Variants in DLC1 observed in about 807,000 individuals in gnomAD.
DLC1 encodes the protein rho GTPase-activating protein 7.
A neutral mutation model predicts 140.3 loss-of-function variants in DLC1; 54 were observed. That is an observed-to-expected ratio of 0.38 (90% CI 0.31 to 0.48). The LOEUF (loss-of-function observed/expected upper bound fraction) is 0.48. Among genes scored for constraint, DLC1 ranks in the 20% least tolerant of loss-of-function variants. The pLI is 0.96. For synonymous variants in DLC1, 986 were observed against 728.1 expected (o/e 1.35, Z -5.70); for missense variants, 2,536 against 1,907.0 (o/e 1.33, Z -6.14).
At position 13,496,615 on chromosome 8, in the gene DLC1, T is replaced by A. The variant is rs1027490199; in HGVS notation, c.1023+2434A>T. ...ACACACATACCTACACACACACATTTTGACATTAAGATTTGGCTGTCTATA... is the reference window on the plus strand; with the variant it reads ...ACACACATACCTACACACACACATTATGACATTAAGATTTGGCTGTCTATA... On this transcript the variant is annotated intron_variant, in intron 2 of 17. Coordinates refer to ENST00000276297, the MANE Select transcript of DLC1 (RefSeq NM_182643.3). 1.4e-4 allele frequency among the ~76,000 whole-genome samples: 21 copies of A among 151,788 alleles called. 1 individual carries two copies. Among genetic ancestry groups the A allele is most frequent in the Non-Finnish European group, 4.4e-5 (3 of 67,942 alleles).
chr8:13,156,724 C>G (rs947148008), intron 5 of DLC1, among the ~76,000 whole-genome samples: 2 of 152,094 alleles, frequency 1.3e-5, no homozygotes, highest in Non-Finnish European at 2.9e-5. Flanking sequence ...GTTCGCAACT[C>G]AAAAAGTCAG....
intron 2 of DLC1, among the ~76,000 whole-genome samples, chr8:13,438,437 T>G (rs1839219499): frequency 1.3e-5 from 2 of 152,152 alleles, no homozygotes; most frequent in Non-Finnish European, 2.9e-5. Flanking sequence ...TTGAAAAAAA[T>G]AGCCAGAATG....
chr8:13,228,908 G>T (rs77495681), intron 5 of DLC1, among the ~76,000 whole-genome samples: 1 of 152,126 alleles, frequency 6.6e-6, no homozygotes, highest in Non-Finnish European at 1.5e-5. Context: ...CACCTACCAG[G>T]GTGGCTACAA....
At chr8:13,597,469 C>T (rs991519465) in intron 1 of DLC1, among the ~76,000 whole-genome samples, 3 of 152,002 alleles carry the variant, frequency 2.0e-5, no homozygotes, top group African/African-American at 4.8e-5. Flanking sequence ...AATACCATCT[C>T]GTTTCCTGAG....
In DLC1 at chr8:13,499,355, G is replaced by C. The variant is rs754588738; in HGVS notation, c.717C>G (p.Asp239Glu). 1.2e-5 allele frequency: 20 copies of C among 1,613,956 alleles called. No homozygotes were observed. In the South Asian group the frequency reaches 2.2e-4, roughly 18 times the overall value. ...AVIAQQRRKP[D>E]PPKDENERST... is the part of the protein sequence containing the mutation. ...TTCTTTCATTTTCATCTTTAGGGGG[G>C]TCAGGTTTCCTTCGTTGCTGAGCAA... The change falls in exon 2 of 18, where the codon GAC (aspartate) becomes GAG (glutamate). Residue 239 changes from aspartate to glutamate, a missense_variant. Transcript: ENST00000276297.
At chr8:13,145,517 C>G (rs1054356495) in intron 5 of DLC1, among the ~76,000 whole-genome samples, 4 of 152,130 alleles carry the variant, frequency 2.6e-5, no homozygotes, top group African/African-American at 9.7e-5. Context: ...TCTAGCAATT[C>G]TACTCTAAGG....
In DLC1 at chr8:13,100,015, C is replaced by T; in HGVS notation, c.2322G>A (p.Met774Ile). 1.9e-6 allele frequency: 3 copies of T among 1,612,864 alleles called. 1 individual carries two copies. Among genetic ancestry groups the T allele is most frequent in the South Asian group, 2.2e-5 (2 of 91,086 alleles). The change falls in exon 9 of 18, where the codon ATG (methionine) becomes ATA (isoleucine). Residue 774 changes from methionine (M) to isoleucine (I), a missense_variant. Physicochemically the swap from Met to Ile is conservative, Grantham distance 10 (BLOSUM62 1). Transcript: ENST00000276297. ...TGAAAGGATCGAAGCCCTCTAAGTA[C>T]ATGCCCACCCGCTTGTTGCACGCAC... ...SLSACNKRVG[M>I]YLEGFDPFNQ...
At chr8:13,263,112 T>G (rs1229907310) in intron 5 of DLC1, among the ~76,000 whole-genome samples, 3 of 152,220 alleles carry the variant, frequency 2.0e-5, no homozygotes, top group Non-Finnish European at 4.4e-5. Context: ...AAAGGATTGC[T>G]TTTTCAATGA....
intron 4 of DLC1, among the ~76,000 whole-genome samples, chr8:13,366,648 A>G (rs556561362): frequency 6.6e-6 from 1 of 152,306 alleles, no homozygotes; most frequent in African/African-American, 2.4e-5. Flanking sequence ...GTTAGAGCAG[A>G]TATAAATTTT....
chr8:13,128,238 G>A lies in DLC1; in HGVS notation c.1349-12581C>T, dbSNP rs375175678. On this transcript the variant is annotated intron_variant, in intron 5 of 17. Coordinates refer to ENST00000276297, the MANE Select transcript of DLC1 (RefSeq NM_182643.3). Reference sequence around the variant, plus strand: ...ACATTTGGGAGAAAAGTTTCCTTTAGAAATAATATTTGAAAGTACTTTCAC... The same window carrying A: ...ACATTTGGGAGAAAAGTTTCCTTTAAAAATAATATTTGAAAGTACTTTCAC... Among the ~76,000 whole-genome samples, 24 of 152,198 alleles carry A rather than the reference G, an allele frequency of 1.6e-4. No homozygotes were observed. In the East Asian group the frequency reaches 4.4e-3, roughly 28 times the overall value.
chr8:13,512,427 T>G (rs7836587), intron 1 of DLC1, among the ~76,000 whole-genome samples: 16,448 of 152,160 alleles, frequency 0.11, 1,414 homozygotes, highest in African/African-American at 0.21. Context: ...TACCACGTTG[T>G]TCAGACATTT....
rs1804771264 is a variant in DLC1, at chr8:13,574,534, C to G, written c.-126+30003G>C. 2.0e-5 allele frequency among the ~76,000 whole-genome samples: 3 copies of G among 152,020 alleles called. No homozygotes were observed. The South Asian group carries it at 6.2e-4, about 32-fold the overall frequency. ...AGGTGCTAAGAAGCCACATATTTTC[C>G]TAATTGTTGCCACAACACTAAAAAT... On this transcript the variant is annotated intron_variant, in intron 1 of 1. Coordinates refer to the DLC1 transcript ENST00000631382.
intron 2 of DLC1, among the ~76,000 whole-genome samples, chr8:13,425,592 C>G (rs1480397501): frequency 6.6e-6 from 1 of 151,962 alleles, no homozygotes; most frequent in Non-Finnish European, 1.5e-5. Flanking sequence ...TAAAGCCTAC[C>G]TGATAAGTGA....
rs377082575 is a variant in DLC1, at chr8:13,482,867, T to A, written c.1023+16182A>T. On this transcript the variant is annotated intron_variant, in intron 2 of 17. Transcript: ENST00000276297. The stretch of plus-strand genomic sequence containing the variant: ...TAGCTGCTAAGGAGAGAATGGTGAC[T>A]AAGTAATGAGTGTGACGGTCCCTGT... 1.8e-3 allele frequency among the ~76,000 whole-genome samples: 271 copies of A among 152,318 alleles called. 2 individuals carry two copies. Among genetic ancestry groups the A allele is most frequent in the African/African-American group, 6.2e-3 (259 of 41,574 alleles).
chr8:13,308,714 C>T (rs761673412), intron 4 of DLC1, among the ~76,000 whole-genome samples: 4 of 152,056 alleles, frequency 2.6e-5, no homozygotes, highest in African/African-American at 7.2e-5. Flanking sequence ...ATGCTGAACA[C>T]GAATGATTAG....
At chr8:13,137,981 C>T (rs927900524) in intron 5 of DLC1, among the ~76,000 whole-genome samples, 13 of 152,146 alleles carry the variant, frequency 8.5e-5, no homozygotes, top group Non-Finnish European at 4.4e-5. Flanking sequence ...GTGGTATTAG[C>T]ATGGAAAGAA....
intron 4 of DLC1, among the ~76,000 whole-genome samples, chr8:13,370,706 G>A (rs748432304): frequency 6.6e-6 from 1 of 152,166 alleles, no homozygotes; most frequent in African/African-American, 2.4e-5. Flanking sequence ...ACTAAGCTCT[G>A]CTTTTCTTTT....
chr8:13,276,234 C>T, intron 5 of DLC1: 1 of 1,534,190 alleles, frequency 6.5e-7, no homozygotes, highest in Non-Finnish European at 8.7e-7. Context: ...CCCTCACCCC[C>T]GGTCTCCAAT....
intron 5 of DLC1, among the ~76,000 whole-genome samples, chr8:13,219,673 A>G (rs1327534314): frequency 6.6e-6 from 1 of 152,020 alleles, no homozygotes; most frequent in Non-Finnish European, 1.5e-5. Context: ...CTATATCTCC[A>G]AGAATTGTAT....
Sources: allele counts gnomAD v4.1 joint callset (sites outside exome capture counted in the v4.1 genomes callset), GRCh38; gene constraint gnomAD v4.1.1; transcripts MANE v1.5; gene names NCBI Gene and HGNC (gene_info 2026-07-23, HGNC 2026-07-21).